The following SLCO4A1 variants were observed in gnomAD, a reference collection of about 807,000 sequenced individuals.
The protein encoded by SLCO4A1 is solute carrier organic anion transporter family member 4A1, also known as colon organic anion transporter.
SLCO4A1 carries 51 observed loss-of-function variants against 64.6 expected under a neutral mutation model. That is an observed-to-expected ratio of 0.79 (90% CI 0.63 to 1.00). The LOEUF is 1.00. SLCO4A1 is among the 50% of genes least tolerant of loss of function. The pLI, the probability that SLCO4A1 is intolerant of heterozygous loss-of-function variation, is 0.00. For missense variants in SLCO4A1, 919 were observed against 980.5 expected (o/e 0.94, Z 0.84); for synonymous variants, 471 against 444.9 (o/e 1.06, Z -0.74).
chr20:62,666,350 G>T, intron 6 of SLCO4A1, 30 bp from the exon 7 acceptor site: 1 of 1,604,584 alleles, frequency 6.2e-7, no homozygotes, highest in Non-Finnish European at 8.5e-7. Context: ...CCCTGCCTGA[G>T]TCCCTGGCTG....
chr20:62,658,428 C>A (rs1398373726), intron 2 of SLCO4A1, among the ~76,000 whole-genome samples: 4 of 152,248 alleles, frequency 2.6e-5, no homozygotes, highest in Non-Finnish European at 5.9e-5. Context: ...GCTTCGAGGG[C>A]CTTTGCCCTT....
At chr20:62,660,944 T>G (rs1173795896) in intron 4 of SLCO4A1, 120 bp from the exon 5 acceptor site, 6 of 698,346 alleles carry the variant, frequency 8.6e-6, no homozygotes, top group Non-Finnish European at 1.5e-5. Flanking sequence ...TGCAGGGATG[T>G]CAGACAGTGA....
chr20:62,680,624 G>T (rs57726994), intron 2 of SLCO4A1, among the ~76,000 whole-genome samples: 3 of 150,834 alleles, frequency 2.0e-5, no homozygotes, highest in African/African-American at 7.3e-5. Context: ...CCGTTTCTGA[G>T]TCTGTTGACA....
chr20:62,678,731 G>A lies in SLCO4A1; in HGVS notation n.212-6710G>A, dbSNP rs564197973. 1.3e-4 allele frequency among the ~76,000 whole-genome samples: 19 copies of A among 143,624 alleles called. No homozygotes were observed. The South Asian group carries it at 2.1e-3, about 16-fold the overall frequency. The allele number at this position is 143,624 out of a possible 152,430, so 94.2% of individuals were successfully genotyped here. On this transcript the variant is annotated intron_variant and non_coding_transcript_variant, in intron 2 of 2. Coordinates refer to the SLCO4A1 transcript ENST00000466818. ...GTACAGCCACACGATAGACTCAGCC[G>A]TGAGAGGGGGGCACTGTTAATATGC...
At chr20:62,664,827 C>A in intron 5 of SLCO4A1, 107 bp from the exon 6 acceptor site, 1 of 1,269,504 alleles carries the variant, frequency 7.9e-7, no homozygotes, top group Non-Finnish European at 1.1e-6. Flanking sequence ...CTTCTCCACA[C>A]CCCGACCTCT....
At chr20:62,669,547 G>A (rs1304017369) in intron 11 of SLCO4A1, among the ~76,000 whole-genome samples, 1 of 152,228 alleles carries the variant, frequency 6.6e-6, no homozygotes, top group African/African-American at 2.4e-5. Context: ...GGATCTCTTA[G>A]TCTGGCCCTC....
At chr20:62,667,629 T>C (rs1320840062) in intron 7 of SLCO4A1, 116 bp from the exon 8 acceptor site, 2 of 1,288,628 alleles carry the variant, frequency 1.6e-6, no homozygotes, top group Non-Finnish European at 2.1e-6. Context: ...CTTGGCAAGT[T>C]TGTAGACCCG....
intron 2 of SLCO4A1, among the ~76,000 whole-genome samples, chr20:62,682,431 A>G (rs540740364): frequency 6.6e-6 from 1 of 152,316 alleles, no homozygotes; most frequent in Non-Finnish European, 1.5e-5. Context: ...CCAAATGCCC[A>G]TGCATTTGGA....
In SLCO4A1 at chr20:62,656,878, A is replaced by G; in HGVS notation, c.424A>G (p.Ser142Gly). Residue 142 changes from serine to glycine, a missense_variant, in exon 2 of 12, where the codon AGC (serine) becomes GGC (glycine). Coordinates refer to ENST00000217159, the MANE Select transcript of SLCO4A1 (RefSeq NM_016354.4). Reference sequence around the variant, plus strand: ...CCGCTATGACCTGCACAGCTACCAGAGCGGGCTCATCGCCAGCTCCTACGA... The same window carrying G: ...CCGCTATGACCTGCACAGCTACCAGGGCGGGCTCATCGCCAGCTCCTACGA... ...ERRYDLHSYQ[S>G]GLIASSYDIA... The G allele has an allele frequency of 6.3e-7, 1 of 1,585,678 alleles. No homozygotes were observed. The highest frequency in any genetic ancestry group is 8.6e-7 in the Non-Finnish European group (1 of 1,160,186).
In SLCO4A1 at chr20:62,661,890, G is replaced by A. The variant is rs990478659; in HGVS notation, c.1121+715G>A. ...ACAACAGAGGGGCCCGGGCCCTCCC[G>A]GCCTCTCCTGGGGATCATGCCTTCC... On this transcript the variant is annotated intron_variant, in intron 5 of 11. Transcript: ENST00000217159. This position sits in a 1 kb window ranked among gnomAD's most constrained non-coding sequence, Gnocchi z 5.2. 3.9e-5 allele frequency among the ~76,000 whole-genome samples: 6 copies of A among 151,972 alleles called. No individual in the cohort carries two copies. The highest frequency in any genetic ancestry group is 6.5e-5 in the Admixed American group (1 of 15,268).
chr20:62,648,617 A>G (rs1179097947), intron 1 of SLCO4A1, among the ~76,000 whole-genome samples: 1 of 152,084 alleles, frequency 6.6e-6, no homozygotes, highest in Non-Finnish European at 1.5e-5. Context: ...GAGGTGATGG[A>G]CCCTCCTCCC....
At chr20:62,654,959 C>T (rs1372361375) in intron 1 of SLCO4A1, among the ~76,000 whole-genome samples, 2 of 152,212 alleles carry the variant, frequency 1.3e-5, no homozygotes, top group African/African-American at 2.4e-5. Flanking sequence ...GAATGGTCTG[C>T]ACATCCACAT....
chr20:62,671,798 C>G lies in SLCO4A1; in HGVS notation c.2074C>G (p.Leu692Val). ...CATAGCCTGCTTCTTATACAAGCCC[C>G]TGTCGGAGTCTTCAGATGGCCTGGA... ...FAIACFLYKP[L>V]SESSDGLETC... Residue 692 changes from leucine to valine, a missense_variant, in exon 12 of 12, where the codon CTG (leucine) becomes GTG (valine). Leu to Val is a conservative substitution (Grantham distance 32, BLOSUM62 1). Transcript: ENST00000217159. 1 of 1,613,706 alleles carries G rather than the reference C, an allele frequency of 6.2e-7. No homozygotes were observed. Among genetic ancestry groups the G allele is most frequent in the Non-Finnish European group, 8.5e-7 (1 of 1,180,030 alleles).
chr20:62,661,981 C>T lies in SLCO4A1; in HGVS notation c.1121+806C>T, dbSNP rs150719609. Among the ~76,000 whole-genome samples the T allele has an allele frequency of 2.0e-4, 31 of 152,248 alleles. No homozygotes were observed. Among genetic ancestry groups the T allele is most frequent in the Admixed American group, 4.6e-4 (7 of 15,312 alleles). On this transcript the variant is annotated intron_variant, in intron 5 of 11. Coordinates refer to ENST00000217159, the MANE Select transcript of SLCO4A1 (RefSeq NM_016354.4). This position sits in a 1 kb window ranked among gnomAD's most constrained non-coding sequence, Gnocchi z 5.2. ...GGGTGGCCACCACCCAAGTCCTCAG[C>T]GTCTGAGGCCCCAGCACGGGGAGAC...
downstream of SLCO4A1, among the ~76,000 whole-genome samples, chr20:62,687,177 C>A (rs1988093415): frequency 6.6e-6 from 1 of 151,904 alleles, no homozygotes; most frequent in African/African-American, 2.4e-5. Context: ...AAAGGGCGCC[C>A]CCAAACAGGA....
intron 1 of SLCO4A1, among the ~76,000 whole-genome samples, chr20:62,647,764 G>T (rs552995462): frequency 6.6e-6 from 1 of 152,378 alleles, no homozygotes; most frequent in East Asian, 1.9e-4. Context: ...CCACACACGG[G>T]GATACAGGCT....
rs1177415441 is a variant in SLCO4A1, at chr20:62,661,240, G to A, written c.1121+65G>A. The A allele has an allele frequency of 6.1e-6, 7 of 1,144,288 alleles. No individual in the cohort carries two copies. Among genetic ancestry groups the A allele is most frequent in the African/African-American group, 3.0e-5 (2 of 65,940 alleles). The allele number at this position is 1,144,288 out of a possible 1,614,324, so 70.9% of individuals were successfully genotyped here. A position where few individuals can be genotyped will look rare whatever the true frequency, so the allele number is the denominator to read the frequency against. The stretch of plus-strand genomic sequence containing the variant: ...CCCTTTAATGGTCCCCATCTTGGGG[G>A]AGTCGTTGAGACCCCTCCGGGATCA... On this transcript the variant is annotated intron_variant, in intron 5 of 11. Transcript: ENST00000217159. The surrounding 1 kb of genome is among the most constrained non-coding windows in gnomAD (Gnocchi z 5.2).
At chr20:62,676,468 C>T (rs1258602728), downstream of SLCO4A1, among the ~76,000 whole-genome samples, 2 of 151,974 alleles carry the variant, frequency 1.3e-5, no homozygotes, top group African/African-American at 2.4e-5. Flanking sequence ...AAAGGATGAT[C>T]CAATTTAAAA....
chr20:62,681,417 T>C (rs1569156248), intron 2 of SLCO4A1, among the ~76,000 whole-genome samples: 1 of 152,140 alleles, frequency 6.6e-6, no homozygotes, highest in Non-Finnish European at 1.5e-5. Flanking sequence ...TGCGTGTTTA[T>C]TAAGCCTTGT....
Sources: gnomAD v4.1 joint callset for allele counts (sites outside exome capture counted in the v4.1 genomes callset) on GRCh38, gnomAD v4.1.1 for gene constraint, Gnocchi (gnomAD v3.1) non-coding constraint, MANE v1.5 for transcripts, NCBI Gene and HGNC (gene_info 2026-07-23, HGNC 2026-07-21) for gene names.